GPHN: variants seen among roughly 807,000 people sequenced by gnomAD.
GPHN encodes the protein gephyrin.
GPHN carries 17 observed loss-of-function variants against 95.5 expected under a neutral mutation model. The ratio of observed to expected loss-of-function variants is 0.18; its 90% confidence interval spans 0.12 to 0.27. The LOEUF (loss-of-function observed/expected upper bound fraction) is 0.27. GPHN is among the 10% of genes least tolerant of loss of function. The pLI, the probability that GPHN is intolerant of heterozygous loss-of-function variation, is 1.00. For missense variants in GPHN, 660 were observed against 978.1 expected, an observed-to-expected ratio of 0.67 and a Z score of 4.34; for synonymous variants, 320 against 322.5, an observed-to-expected ratio of 0.99 and a Z score of 0.08.
intron 1 of GPHN, among the ~76,000 whole-genome samples, chr14:66,581,265 C>A (rs920687923): frequency 6.6e-6 from 1 of 150,388 alleles, no homozygotes; most frequent in African/African-American, 2.4e-5. Flanking sequence ...TACATGAAAT[C>A]ATAAAATATT....
At chr14:66,639,673 G>T (rs1000572970) in intron 1 of GPHN, among the ~76,000 whole-genome samples, 1 of 151,452 alleles carries the variant, frequency 6.6e-6, no homozygotes, top group Admixed American at 6.6e-5. Flanking sequence ...TTAAAGTTTG[G>T]CAAATAAAAG....
At chr14:66,850,105 A>G (rs2062515777) in intron 4 of GPHN, among the ~76,000 whole-genome samples, 1 of 152,148 alleles carries the variant, frequency 6.6e-6, no homozygotes, top group East Asian at 1.9e-4. Flanking sequence ...TCACTGTTAA[A>G]TAATTTACAG....
chr14:67,284,077 T>G, the GPHN span, among the ~76,000 whole-genome samples: 1 of 152,074 alleles, frequency 6.6e-6, no homozygotes, highest in African/African-American at 2.4e-5. Flanking sequence ...GAGGACCAAA[T>G]GAAAAAAGCA....
intron 9 of GPHN, among the ~76,000 whole-genome samples, chr14:67,011,573 C>CAA (rs201978777): frequency 0.1 from 6,523 of 62,928 alleles, 692 homozygotes; most frequent in African/African-American, 0.27. Context: ...GACCTTGCCT[C>CAA]AAAAAAAAAA....
the GPHN span, among the ~76,000 whole-genome samples, chr14:67,675,057 G>A: frequency 5.4e-3 from 830 of 152,340 alleles, 7 homozygotes; most frequent in African/African-American, 0.018. Flanking sequence ...CGTCCTCACT[G>A]TCATCGCGCT....
chr14:67,408,788 G>T, the GPHN span, among the ~76,000 whole-genome samples: 3 of 152,060 alleles, frequency 2.0e-5, no homozygotes, highest in Non-Finnish European at 4.4e-5. Flanking sequence ...TTTCTTCTAC[G>T]CATATTTTTT....
chr14:67,362,111 C>T, the GPHN span, among the ~76,000 whole-genome samples: 1 of 150,876 alleles, frequency 6.6e-6, no homozygotes, highest in Admixed American at 6.6e-5. Context: ...AGCCTCTGCC[C>T]CTGGGTTCAA....
intron 12 of GPHN, among the ~76,000 whole-genome samples, chr14:67,098,195 G>A (rs1438617899): frequency 1.3e-5 from 2 of 151,860 alleles, no homozygotes; most frequent in African/African-American, 4.8e-5. Flanking sequence ...GACAAACCTT[G>A]TAACAGGTTG....
chr14:66,616,904 C>T (rs2063062593), intron 1 of GPHN, among the ~76,000 whole-genome samples: 1 of 152,140 alleles, frequency 6.6e-6, no homozygotes, highest in Non-Finnish European at 1.5e-5. Flanking sequence ...GACAGGGTTT[C>T]ACCATGTTGG....
Position 66,838,787 on chromosome 14 carries a change from C to G in GPHN, c.294+14221C>G, listed in dbSNP as rs75806862. Reference sequence around the variant, plus strand: ...GGTATCCATCTATGAAATGGACTTACTGTTGCCTTTCACATAAAATGTAAT... The same window carrying G: ...GGTATCCATCTATGAAATGGACTTAGTGTTGCCTTTCACATAAAATGTAAT... On this transcript the variant is annotated intron_variant, in intron 4 of 22. Transcript: ENST00000478722. Among the ~76,000 whole-genome samples, 11 of 152,198 alleles carry G rather than the reference C, an allele frequency of 7.2e-5. 1 individual carries two copies. Among genetic ancestry groups the G allele is most frequent in the African/African-American group, 2.6e-4 (11 of 41,552 alleles).
chr14:67,493,950 G>A, the GPHN span, among the ~76,000 whole-genome samples: 2 of 151,944 alleles, frequency 1.3e-5, no homozygotes, highest in South Asian at 2.1e-4. Context: ...ATCTGTGACA[G>A]TTGCTGTCTG....
intron 3 of GPHN, among the ~76,000 whole-genome samples, chr14:66,782,636 G>A (rs1487630911): frequency 1.6e-4 from 24 of 152,040 alleles, no homozygotes; most frequent in Admixed American, 1.4e-3. Context: ...TGGCTAATAC[G>A]GTGGAACCCT....
chr14:67,645,953 C>T, the GPHN span: 1 of 901,246 alleles, frequency 1.1e-6, no homozygotes. Context: ...GGCAGTCTGC[C>T]AGATGCTAGG....
the GPHN span, chr14:67,303,408 T>G: frequency 1.3e-6 from 1 of 750,100 alleles, no homozygotes; most frequent in Non-Finnish European, 2.3e-6. Context: ...TGCTGGTCAT[T>G]TAAGTCTGTG....
chr14:67,204,544 C>T, the GPHN span: 1 of 1,612,474 alleles, frequency 6.2e-7, no homozygotes, highest in African/African-American at 1.3e-5. Context: ...CAGGTTTCTC[C>T]CTCTGCAGTT....
the GPHN span, chr14:67,619,940 C>G: frequency 1.6e-3 from 2,230 of 1,411,488 alleles, 4 homozygotes; most frequent in Non-Finnish European, 2.0e-3. Context: ...TCCAACCGCG[C>G]GGAGCCTCTG....
chr14:67,344,999 T>C, the GPHN span, among the ~76,000 whole-genome samples: 1 of 152,092 alleles, frequency 6.6e-6, no homozygotes, highest in Admixed American at 6.6e-5. Flanking sequence ...CCCAGCACTT[T>C]GGAAGGATGA....
the GPHN span, among the ~76,000 whole-genome samples, chr14:67,319,597 A>AT: frequency 8.2e-5 from 12 of 147,228 alleles, no homozygotes; most frequent in Admixed American, 2.7e-4. Context: ...AACACTAGAG[A>AT]TAGCTGATGA....
chr14:67,645,240 C>A, the GPHN span, among the ~76,000 whole-genome samples: 1 of 151,848 alleles, frequency 6.6e-6, no homozygotes, highest in Non-Finnish European at 1.5e-5. Context: ...TCTTGAACCC[C>A]TGGGCTCATG....
Sources: gnomAD v4.1 joint callset for allele counts (sites outside exome capture counted in the v4.1 genomes callset) on GRCh38, gnomAD v4.1.1 for gene constraint, MANE v1.5 for transcripts, NCBI Gene and HGNC (gene_info 2026-07-23, HGNC 2026-07-21) for gene names.